MED12L: variants seen among roughly 807,000 people sequenced by gnomAD.
MED12L encodes mediator complex subunit 12L, also known as mediator of RNA polymerase II transcription subunit 12-like protein.
MED12L carries 60 observed loss-of-function variants against 281.3 expected under a neutral mutation model. The ratio of observed to expected loss-of-function variants is 0.21; its 90% CI spans 0.17 to 0.26. The LOEUF is 0.26. MED12L is among the 10% of genes least tolerant of loss of function. MED12L has a pLI of 1.00. For synonymous variants in MED12L, 974 were observed against 987.2 expected (o/e 0.99, Z 0.25); for missense variants, 2,146 against 2,680.9 (o/e 0.80, Z 4.41).
intron 16 of MED12L, among the ~76,000 whole-genome samples, chr3:151,313,285 G>A (rs949231433): frequency 6.6e-6 from 1 of 152,058 alleles, no homozygotes; most frequent in Non-Finnish European, 1.5e-5. Context: ...TGATTGCAGG[G>A]GATCATGCAC....
rs541758878 is a variant in MED12L, at chr3:151,228,770, T to A, written c.2250+35104T>A. Among the ~76,000 whole-genome samples the A allele has an allele frequency of 2.6e-5, 4 of 152,334 alleles. No individual in the cohort carries two copies. The East Asian group carries it at 7.7e-4, about 29-fold the overall frequency. ...TCTGCATCACTCCTGGCTTCAGGGTTTTGGGAACCAATTCTTTTTTCTCCT... is the reference window on the plus strand; with the variant it reads ...TCTGCATCACTCCTGGCTTCAGGGTATTGGGAACCAATTCTTTTTTCTCCT... On this transcript the variant is annotated intron_variant, in intron 16 of 44. Coordinates refer to ENST00000687756, the MANE Select transcript of MED12L (RefSeq NM_001393769.1).
intron 40 of MED12L, 79 bp downstream of exon 40, chr3:151,409,411 A>G (rs1716710452): frequency 2.5e-6 from 3 of 1,221,136 alleles, no homozygotes; most frequent in African/African-American, 1.5e-5. Context: ...TAAATAGAAT[A>G]TATCAACTCC....
chr3:151,189,237 AG>A (rs1382240655), intron 13 of MED12L, among the ~76,000 whole-genome samples: 1 of 152,196 alleles, frequency 6.6e-6, no homozygotes, highest in Non-Finnish European at 1.5e-5. Flanking sequence ...TCCTCTGAGG[AG>A]GGGCCTGAGT....
chr3:151,129,335 G>A (rs932745520), intron 5 of MED12L, among the ~76,000 whole-genome samples: 5 of 152,084 alleles, frequency 3.3e-5, no homozygotes, highest in East Asian at 1.9e-4. Context: ...CATCCTATAC[G>A]TGTTAAAAGA....
chr3:151,142,080 T>A (rs1054797451), intron 5 of MED12L, among the ~76,000 whole-genome samples: 5 of 152,230 alleles, frequency 3.3e-5, no homozygotes, highest in Admixed American at 6.5e-5. Context: ...CTTGGCAGTT[T>A]ACAGGCTGGT....
chr3:151,246,165 G>A (rs1735410677), intron 16 of MED12L, among the ~76,000 whole-genome samples: 1 of 152,152 alleles, frequency 6.6e-6, no homozygotes, highest in Non-Finnish European at 1.5e-5. Flanking sequence ...TGGGTAGGAA[G>A]AATAAATATC....
chr3:151,337,948 A>G, intron 16 of MED12L: 1 of 1,614,176 alleles, frequency 6.2e-7, no homozygotes, highest in African/African-American at 1.3e-5. Flanking sequence ...TTGCAAAGGA[A>G]AAAATAGATG....
intron 16 of MED12L, among the ~76,000 whole-genome samples, chr3:151,304,681 C>T (rs1174325149): frequency 6.6e-6 from 1 of 152,022 alleles, no homozygotes; most frequent in African/African-American, 2.4e-5. Context: ...TTGATTCTCT[C>T]ATTCTCTGAA....
intron 27 of MED12L, 70 bp downstream of exon 27, chr3:151,372,836 A>T (rs907790648): frequency 1.2e-5 from 15 of 1,270,344 alleles, no homozygotes; most frequent in Non-Finnish European, 2.2e-6. Flanking sequence ...ACTTACACTT[A>T]TAGGAAACTT....
Position 151,413,243 on chromosome 3 carries a change from A to T in MED12L, c.6245A>T (p.Asp2082Val). Residue 2082 changes from aspartate (D) to valine (V), a missense_variant, in exon 42 of 45, where the codon GAT becomes GTT. Physicochemically the swap from Asp to Val is radical, Grantham distance 152. This residue lies in a region of MED12L where 496 missense variants were observed against 512.0 expected (regional missense o/e 0.97). Coordinates refer to ENST00000687756, the MANE Select transcript of MED12L (RefSeq NM_001393769.1). Reference protein sequence around the residue: ...PNLPSVPLPQDPMRPRQPQVR... With the variant: ...PNLPSVPLPQVPMRPRQPQVR... Reference sequence around the variant, plus strand: ...CTTCCCTCCGTGCCCCTGCCTCAGGATCCCATGAGACCCAGACAGCCGCAA... The same window carrying T: ...CTTCCCTCCGTGCCCCTGCCTCAGGTTCCCATGAGACCCAGACAGCCGCAA... 1 of 1,614,160 alleles carries T rather than the reference A, an allele frequency of 6.2e-7. No homozygotes were observed. Among genetic ancestry groups the T allele is most frequent in the Non-Finnish European group, 8.5e-7 (1 of 1,180,020 alleles).
chr3:151,133,052 C>T (rs993854441), intron 5 of MED12L, among the ~76,000 whole-genome samples: 2 of 152,154 alleles, frequency 1.3e-5, no homozygotes, highest in African/African-American at 4.8e-5. Flanking sequence ...TCATTCAGCA[C>T]GTTTGGGAAA....
chr3:151,258,994 G>A (rs1738362935), intron 16 of MED12L, among the ~76,000 whole-genome samples: 1 of 152,148 alleles, frequency 6.6e-6, no homozygotes, highest in African/African-American at 2.4e-5. Context: ...CTGATAAGTG[G>A]TGCTGCACAC....
At chr3:151,415,398 T>C (rs1176086194) in intron 42 of MED12L, among the ~76,000 whole-genome samples, 2 of 152,242 alleles carry the variant, frequency 1.3e-5, no homozygotes, top group African/African-American at 4.8e-5. Context: ...CATATTGCAG[T>C]CATTGTGATT....
chr3:151,294,463 AAACACAGCCAC>A, intron 16 of MED12L: 1 of 1,614,232 alleles, frequency 6.2e-7, no homozygotes, highest in Non-Finnish European at 8.5e-7. Context: ...AGCAGGTAAA[AAACACAGCCAC>A]AACAACCCTG....
intron 39 of MED12L, among the ~76,000 whole-genome samples, chr3:151,397,414 A>G (rs766418306): frequency 2.0e-4 from 30 of 152,220 alleles, no homozygotes; most frequent in Non-Finnish European, 4.1e-4. Flanking sequence ...CCTGTAGTAC[A>G]TCGAGCTAAT....
intron 16 of MED12L, among the ~76,000 whole-genome samples, chr3:151,290,042 C>A (rs1057272128): frequency 5.3e-5 from 8 of 152,028 alleles, no homozygotes; most frequent in Non-Finnish European, 1.2e-4. Context: ...AGGTGCACAC[C>A]ACCATGCCTG....
intron 16 of MED12L, among the ~76,000 whole-genome samples, chr3:151,236,717 C>A (rs1732894507): frequency 6.6e-6 from 1 of 152,094 alleles, no homozygotes; most frequent in African/African-American, 2.4e-5. Flanking sequence ...TGTATGTAAT[C>A]TCTTCATGAT....
chr3:151,295,237 C>G (rs1459521813), intron 16 of MED12L: 2 of 1,522,470 alleles, frequency 1.3e-6, no homozygotes, highest in Non-Finnish European at 1.8e-6. Flanking sequence ...GGAGATAGGA[C>G]TTCAGTGCTT....
chr3:151,268,873 C>T (rs564290657), intron 16 of MED12L, among the ~76,000 whole-genome samples: 20 of 152,248 alleles, frequency 1.3e-4, no homozygotes, highest in African/African-American at 3.6e-4. Flanking sequence ...CCTTCCCAAC[C>T]TTCGGTTGGT....
Sources: gnomAD v4.1 joint callset for allele counts (sites outside exome capture counted in the v4.1 genomes callset) on GRCh38, gnomAD v4.1.1 for gene constraint, gnomAD v4.1.1 regional missense constraint, MANE v1.5 for transcripts, NCBI Gene and HGNC (gene_info 2026-07-23, HGNC 2026-07-21) for gene names.